The following KDM1A variants were observed in gnomAD, a reference collection of about 807,000 sequenced individuals.
KDM1A encodes the protein lysine demethylase 1A, also known as lysine-specific histone demethylase 1A.
KDM1A carries 49 observed loss-of-function variants against 109.4 expected under a neutral mutation model. The ratio of observed to expected loss-of-function variants is 0.45; its 90% CI spans 0.36 to 0.57. The LOEUF (loss-of-function observed/expected upper bound fraction) is 0.57. Among genes scored for constraint, KDM1A ranks in the 20% least tolerant of loss-of-function variants. The pLI is 0.00. For missense variants in KDM1A, 668 were observed against 1,116.6 expected (o/e 0.60, Z 5.73); for synonymous variants, 380 against 415.4 (o/e 0.91, Z 1.04).
At chr1:23,073,533 C>T (rs1444586968) in intron 15 of KDM1A, 130 bp downstream of exon 15, 2 of 625,804 alleles carry the variant, frequency 3.2e-6, no homozygotes, top group East Asian at 2.6e-5. Context: ...GTGAAATTCA[C>T]CTATTTTAAG....
At chr1:23,035,099 T>C (rs1171569053) in intron 2 of KDM1A, among the ~76,000 whole-genome samples, 1 of 152,216 alleles carries the variant, frequency 6.6e-6, no homozygotes, top group African/African-American at 2.4e-5. Flanking sequence ...CTTTATCTCC[T>C]TGTTTATATT....
rs890812857 is a variant in KDM1A at position 23,050,367 on chromosome 1, T to C, written c.578-20T>C. The C allele has an allele frequency of 6.3e-7, 1 of 1,590,594 alleles. No homozygotes were observed. Among genetic ancestry groups the C allele is most frequent in the Admixed American group, 1.8e-5 (1 of 54,940 alleles). On this transcript the variant is annotated intron_variant, in intron 3 of 20. Coordinates refer to ENST00000400181, the MANE Select transcript of KDM1A (RefSeq NM_001009999.3). ...TATTCACTTGCACTTTTCCTAGATG[T>C]CCTTTGCTTTCTTCGTTAGGTGTGG... is the stretch of plus-strand genomic sequence containing the variant.
intron 16 of KDM1A, among the ~76,000 whole-genome samples, chr1:23,078,763 A>G (rs958671052): frequency 8.5e-5 from 13 of 152,214 alleles, no homozygotes; most frequent in Non-Finnish European, 1.8e-4. Flanking sequence ...ACAGTTGAGG[A>G]TTCTGAAGTT....
At chr1:23,049,152 CAAAAAAA>C (rs5773034) in intron 3 of KDM1A, among the ~76,000 whole-genome samples, 5 of 75,252 alleles carry the variant, frequency 6.6e-5, no homozygotes, top group African/African-American at 1.1e-4. Context: ...GACTCCCTCT[CAAAAAAA>C]AAAAAAAAAA....
Position 23,079,590 on chromosome 1 carries a change from G to A in KDM1A, c.2093G>A (p.Ser698Asn), listed in dbSNP as rs1252976530. The A allele has an allele frequency of 1.2e-6, 2 of 1,613,902 alleles. No homozygotes were observed. Among genetic ancestry groups the A allele is most frequent in the South Asian group, 1.1e-5 (1 of 91,066 alleles). The change falls in exon 18 of 21, where the codon AGT becomes AAT. Residue 698 changes from serine to asparagine, a missense_variant. Physicochemically the swap from Ser to Asn is conservative, Grantham distance 46. Transcript: ENST00000400181. This position sits in a 1 kb window ranked among gnomAD's most constrained non-coding sequence, Gnocchi z 5.6. ...LCFDRVFWDPSVNLFGHVGST... is the reference protein window; with the variant it reads ...LCFDRVFWDPNVNLFGHVGST... ...TTTGATCGGGTGTTCTGGGATCCAA[G>A]TGTCAATTTGTTCGGGCATGTTGGC...
At chr1:23,057,747 C>T in intron 8 of KDM1A, 182 bp downstream of exon 8, 16 of 335,624 alleles carry the variant, frequency 4.8e-5, no homozygotes, top group South Asian at 2.3e-4. Flanking sequence ...GTACCTTTTT[C>T]TAGTTCTAGG....
chr1:23,068,206 C>T (rs929055929), intron 10 of KDM1A, among the ~76,000 whole-genome samples: 2 of 152,128 alleles, frequency 1.3e-5, no homozygotes, highest in African/African-American at 4.8e-5. Flanking sequence ...TGTCAGCCAG[C>T]TCAACTTAAT....
intron 16 of KDM1A, 87 bp from the exon 17 acceptor site, chr1:23,078,903 A>G (rs1234243466): frequency 9.0e-7 from 1 of 1,115,250 alleles, no homozygotes; most frequent in Non-Finnish European, 1.3e-6. Flanking sequence ...TGAGAAATGG[A>G]TGTCCATCTG....
intron 2 of KDM1A, among the ~76,000 whole-genome samples, chr1:23,036,444 G>GCCCCCCCCCCCCCCCCCCCCCCACCC (rs5773033): frequency 3.3e-5 from 4 of 121,690 alleles, no homozygotes; most frequent in South Asian, 2.7e-4. Context: ...TTCTTGCCAC[G>GCCCCCCCCCCCCCCCCCCCCCCACCC]CCCCCCCCCT....
At chr1:23,039,840 T>C (rs1642254957) in intron 2 of KDM1A, among the ~76,000 whole-genome samples, 1 of 152,236 alleles carries the variant, frequency 6.6e-6, no homozygotes, top group Non-Finnish European at 1.5e-5. Flanking sequence ...TTTTTCATCT[T>C]TTCTCAACTA....
chr1:23,049,846 G>A (rs1197036569), intron 3 of KDM1A, among the ~76,000 whole-genome samples: 3 of 152,126 alleles, frequency 2.0e-5, no homozygotes, highest in South Asian at 2.1e-4. Context: ...GCATTCTTCT[G>A]TCTTATTGTT....
At chr1:23,039,941 T>C (rs1642258294) in intron 2 of KDM1A, among the ~76,000 whole-genome samples, 1 of 152,260 alleles carries the variant, frequency 6.6e-6, no homozygotes, top group African/African-American at 2.4e-5. Flanking sequence ...AAACACTGAT[T>C]ATTAAATAAG....
Position 23,053,833 on chromosome 1 carries a change from TATAAC to T in KDM1A, c.786_790del (p.Tyr262Ter). 6.3e-7 allele frequency: 1 copy of T among 1,579,140 alleles called. No homozygotes were observed. The stretch of plus-strand genomic sequence containing the variant: ...TACTCTCCAACAATTAGAAGCACCT[TATAAC>T]AGTAAGTAGTGTGTTCAATAGGACT... On this transcript the variant is annotated frameshift_variant and splice_region_variant, in exon 5 of 21. Transcript: ENST00000400181. LOFTEE classifies it high-confidence loss of function.
intron 19 of KDM1A, 154 bp downstream of exon 19, chr1:23,081,727 C>T: frequency 5.5e-6 from 5 of 916,568 alleles, no homozygotes; most frequent in South Asian, 1.9e-5. Flanking sequence ...ATGGCCTAAG[C>T]GTGGGGTTCA....
At chr1:23,071,419 C>G in intron 13 of KDM1A, 60 bp downstream of exon 13, 8 of 1,502,842 alleles carry the variant, frequency 5.3e-6, no homozygotes, top group South Asian at 1.4e-5. Flanking sequence ...TAGCACAGAT[C>G]TGGGGAATTT....
chr1:23,036,117 T>C (rs1308864279), intron 2 of KDM1A, among the ~76,000 whole-genome samples: 1 of 152,076 alleles, frequency 6.6e-6, no homozygotes, highest in East Asian at 1.9e-4. Flanking sequence ...CTCAAGTGGC[T>C]AATCCCAGGC....
chr1:23,074,980 C>T (rs897701105), intron 15 of KDM1A, among the ~76,000 whole-genome samples: 1 of 152,110 alleles, frequency 6.6e-6, no homozygotes, highest in African/African-American at 2.4e-5. Context: ...GTACGTATTT[C>T]CATAACAGTT....
chr1:23,056,974 C>A (rs1642849049), intron 7 of KDM1A, among the ~76,000 whole-genome samples: 1 of 152,046 alleles, frequency 6.6e-6, no homozygotes, highest in Admixed American at 6.6e-5. Context: ...TATGGACTCT[C>A]TGCCCCTGGG....
chr1:23,056,813 G>T (rs1248460350), intron 7 of KDM1A, among the ~76,000 whole-genome samples: 1 of 150,162 alleles, frequency 6.7e-6, no homozygotes, highest in Non-Finnish European at 1.5e-5. Context: ...TTGCATTTTT[G>T]TTTGTTTGTT....
Sources: allele counts gnomAD v4.1 joint callset (sites outside exome capture counted in the v4.1 genomes callset), GRCh38; gene constraint gnomAD v4.1.1; non-coding constraint Gnocchi (gnomAD v3.1); transcripts MANE v1.5; gene names NCBI Gene and HGNC (gene_info 2026-07-23, HGNC 2026-07-21).